The following DMXL2 variants were observed in gnomAD, a reference collection of about 807,000 sequenced individuals.
DMXL2 encodes the protein dmX-like protein 2.
A neutral mutation model predicts 331.1 loss-of-function variants in DMXL2; 103 were observed. The ratio of observed to expected loss-of-function variants is 0.31; its 90% CI spans 0.27 to 0.37. The LOEUF (loss-of-function observed/expected upper bound fraction) is 0.37, where lower values mean the gene tolerates loss of function less well. Ranked by LOEUF, DMXL2 falls within the 10% of genes least tolerant of loss-of-function variation. The probability of loss-of-function intolerance (pLI) is 1.00; values close to 1 mark genes in which losing one functional copy is unlikely to be tolerated. For missense variants in DMXL2, 3,171 were observed against 3,642.9 expected, an observed-to-expected ratio of 0.87 and a Z score of 3.33; for synonymous variants, 1,281 against 1,252.1, an observed-to-expected ratio of 1.02 and a Z score of -0.49.
At position 51,491,747 on chromosome 15, in the gene DMXL2, C is replaced by T. The variant is rs2042814698; in HGVS notation, c.4784G>A (p.Gly1595Asp). The change falls in exon 20 of 44, where the codon GGT becomes GAT. Residue 1595 changes from glycine to aspartate, a missense_variant and splice_region_variant. This residue lies in a region of DMXL2 where 252 missense variants were observed against 387.4 expected (regional missense o/e 0.65). Transcript: ENST00000560891. ...CCAGGCAAAATGGCATGTAGAGACA[C>T]CTAAATTGGAAATATAAAATAATAA... Reference protein sequence around the residue: ...PLYRVQLLHQGVSTCHFAWAF... With the variant: ...PLYRVQLLHQDVSTCHFAWAF... 1.9e-6 allele frequency: 3 copies of T among 1,584,468 alleles called. No individual in the cohort carries two copies. The highest frequency in any genetic ancestry group is 1.7e-6 in the Non-Finnish European group (2 of 1,171,752).
chr15:51,605,314 C>T (rs117483090), intron 1 of DMXL2, among the ~76,000 whole-genome samples: 2,495 of 152,176 alleles, frequency 0.016, 24 homozygotes, highest in Middle Eastern at 0.041. Flanking sequence ...GATTCTAGTG[C>T]CTCAACCTCC....
intron 28 of DMXL2, 22 bp from the exon 29 acceptor site, chr15:51,471,423 A>C (rs2041098473): frequency 6.4e-7 from 1 of 1,562,126 alleles, no homozygotes; most frequent in Admixed American, 1.9e-5. Context: ...TAGAAGGAAA[A>C]AAAAATCTAG....
At chr15:51,473,181 C>T (rs928135477) in intron 28 of DMXL2, among the ~76,000 whole-genome samples, 2 of 152,182 alleles carry the variant, frequency 1.3e-5, no homozygotes, top group Admixed American at 6.5e-5. Flanking sequence ...GTCTTCCAAC[C>T]ACCTTAACTA....
At chr15:51,487,673 G>A (rs753322221) in intron 22 of DMXL2, among the ~76,000 whole-genome samples, 1 of 152,144 alleles carries the variant, frequency 6.6e-6, no homozygotes, top group Non-Finnish European at 1.5e-5. Context: ...GGCCAGGCTG[G>A]TCTTGAACTC....
At chr15:51,457,872 T>C (rs771573896) in intron 36 of DMXL2, 2 of 164,322 alleles carry the variant, frequency 1.2e-5, no homozygotes, top group Non-Finnish European at 2.6e-5. Context: ...TCATAGTACA[T>C]GGTTATATCT....
chr15:51,498,882 C>T lies in DMXL2; in HGVS notation c.4342G>A (p.Glu1448Lys). ...DQDTSYRISE[E>K]STKIPQSYED... ...TAGCTCTGTGGTATCTTTGTACTTT[C>T]TTCTGAAATTCTGTAGGATGTATCT... Residue 1448 changes from glutamate to lysine, a missense_variant, in exon 18 of 44, where the codon GAA (glutamate) becomes AAA (lysine). By Grantham distance (56) the Glu-to-Lys change is moderately conservative. This residue lies in a region of DMXL2 where 1,674 missense variants were observed against 1,780.2 expected (regional missense o/e 0.94). Coordinates refer to ENST00000560891, the MANE Select transcript of DMXL2 (RefSeq NM_001378457.1). 1 of 1,614,064 alleles carries T rather than the reference C, an allele frequency of 6.2e-7. No homozygotes were observed. Among genetic ancestry groups the T allele is most frequent in the Non-Finnish European group, 8.5e-7 (1 of 1,180,002 alleles).
At chr15:51,455,083 T>C in intron 40 of DMXL2, 68 bp downstream of exon 40, 1 of 1,280,324 alleles carries the variant, frequency 7.8e-7, no homozygotes, top group Non-Finnish European at 1.1e-6. Context: ...AGATTCACTG[T>C]CTGAAACAGA....
intron 29 of DMXL2, among the ~76,000 whole-genome samples, chr15:51,467,386 C>T (rs1362555412): frequency 1.3e-5 from 2 of 151,778 alleles, no homozygotes; most frequent in Non-Finnish European, 2.9e-5. Flanking sequence ...AAAAGCTTAA[C>T]AAGATAAATT....
In DMXL2 at chr15:51,605,789, C is replaced by T. The variant is rs1359159777; in HGVS notation, c.87+16670G>A. On this transcript the variant is annotated intron_variant, in intron 1 of 43. Coordinates refer to ENST00000560891, the MANE Select transcript of DMXL2 (RefSeq NM_001378457.1). ...CGATCTCCTGACCTCATGATCCACC[C>T]GCCTCGGCCTCCCAAAGTGCTGGGA... is the stretch of plus-strand genomic sequence containing the variant. 1.6e-4 allele frequency among the ~76,000 whole-genome samples: 7 copies of T among 42,776 alleles called. 1 individual carries two copies. Among genetic ancestry groups the T allele is most frequent in the East Asian group, 1.2e-3 (2 of 1,684 alleles). The allele number at this position is 42,776 out of a possible 152,430, so 28.1% of individuals were successfully genotyped here. A position where few individuals can be genotyped will look rare whatever the true frequency, so the allele number is the denominator to read the frequency against.
At position 51,606,443 on chromosome 15, in the gene DMXL2, C is replaced by T. The variant is rs149086487; in HGVS notation, c.87+16016G>A. Among the ~76,000 whole-genome samples, 394 of 152,282 alleles carry T rather than the reference C, an allele frequency of 2.6e-3. 18 individuals are homozygous for T. In the East Asian group the frequency reaches 0.061, roughly 24 times the overall value. ...CTCCTGACCTCAGGTTATCCACGCACCACAGCCTCCCAAAGTGCTGGGATT... is the reference window on the plus strand; with the variant it reads ...CTCCTGACCTCAGGTTATCCACGCATCACAGCCTCCCAAAGTGCTGGGATT... On this transcript the variant is annotated intron_variant, in intron 1 of 43. Transcript: ENST00000560891.
At chr15:51,535,136 T>C (rs10519310) in intron 13 of DMXL2, among the ~76,000 whole-genome samples, 8,447 of 152,278 alleles carry the variant, frequency 0.055, 654 homozygotes, top group African/African-American at 0.18. Context: ...TTAGAATAGT[T>C]GTTTTTATAG....
At chr15:51,539,524 A>G (rs967202055) in intron 9 of DMXL2, among the ~76,000 whole-genome samples, 2 of 152,044 alleles carry the variant, frequency 1.3e-5, no homozygotes, top group African/African-American at 4.8e-5. Flanking sequence ...GAGAGTATAA[A>G]TTGGCCAGGT....
chr15:51,596,953 G>A (rs1265757257), intron 1 of DMXL2, among the ~76,000 whole-genome samples: 2 of 152,160 alleles, frequency 1.3e-5, no homozygotes, highest in Admixed American at 6.5e-5. Context: ...GATAGCATTA[G>A]GAGATATACC....
chr15:51,474,269 T>C, intron 28 of DMXL2, 75 bp downstream of exon 28: 2 of 1,441,428 alleles, frequency 1.4e-6, no homozygotes, highest in African/African-American at 1.4e-5. Flanking sequence ...TGAAATTTCT[T>C]GAAACATTAA....
At chr15:51,531,506 G>A (rs954182128) in intron 13 of DMXL2, among the ~76,000 whole-genome samples, 9 of 152,078 alleles carry the variant, frequency 5.9e-5, no homozygotes, top group African/African-American at 2.2e-4. Flanking sequence ...GACAAGGACA[G>A]GAAACCAAAG....
In DMXL2 at chr15:51,499,052, G is replaced by A. The variant is rs1415792875; in HGVS notation, c.4172C>T (p.Thr1391Ile). 1 of 1,613,820 alleles carries A rather than the reference G, an allele frequency of 6.2e-7. No individual in the cohort carries two copies. The highest frequency in any genetic ancestry group is 8.5e-7 in the Non-Finnish European group (1 of 1,180,022). ...IVRDPDAGEGTKRHLSRTISV... is the reference protein window; with the variant it reads ...IVRDPDAGEGIKRHLSRTISV... Reference sequence around the variant, plus strand: ...AATAGTTCGAGAGAGATGTCGCTTAGTTCCTTCTCCAGCATCAGGATCTCT... The same window carrying A: ...AATAGTTCGAGAGAGATGTCGCTTAATTCCTTCTCCAGCATCAGGATCTCT... Residue 1391 changes from threonine (T) to isoleucine (I), a missense_variant, in exon 18 of 44, where the codon ACT (threonine) becomes ATT (isoleucine). Thr to Ile is a moderately conservative substitution (Grantham distance 89). Transcript: ENST00000560891.
intron 18 of DMXL2, 96 bp from the exon 19 acceptor site, chr15:51,495,230 T>C: frequency 1.5e-6 from 1 of 681,640 alleles, no homozygotes; most frequent in Non-Finnish European, 2.5e-6. Context: ...AGTCATAATT[T>C]ATATAAAATA....
chr15:51,543,820 TTTCTG>T (rs1272488098), intron 8 of DMXL2, among the ~76,000 whole-genome samples: 1 of 152,140 alleles, frequency 6.6e-6, no homozygotes, highest in African/African-American at 2.4e-5. Context: ...TTTACTTATA[TTTCTG>T]TTCTATTTTA....
chr15:51,564,160 A>C lies in DMXL2; in HGVS notation c.465T>G (p.Pro155=), dbSNP rs765891492. 2.2e-5 allele frequency: 36 copies of C among 1,606,712 alleles called. No homozygotes were observed. The highest frequency in any genetic ancestry group is 3.0e-5 in the Non-Finnish European group (35 of 1,177,214). The part of the protein sequence containing the change: ...EEEEIDNTVP[P]VLNDWKCVWQ... Reference sequence around the variant, plus strand: ...AGACACACTTCCAATCATTTAAAACAGGAGGAACTGTATTATCAATTTCTT... The same window carrying C: ...AGACACACTTCCAATCATTTAAAACCGGAGGAACTGTATTATCAATTTCTT... The change falls in exon 5 of 44, where the codon CCT becomes CCG. Residue 155 remains proline, a synonymous_variant. Coordinates refer to ENST00000560891, the MANE Select transcript of DMXL2 (RefSeq NM_001378457.1).
Sources: gnomAD v4.1 joint callset for allele counts (sites outside exome capture counted in the v4.1 genomes callset) on GRCh38, gnomAD v4.1.1 for gene constraint, gnomAD v4.1.1 regional missense constraint, MANE v1.5 for transcripts, NCBI Gene and HGNC (gene_info 2026-07-23, HGNC 2026-07-21) for gene names.